Variants in GRIP1 observed in about 807,000 individuals in gnomAD.
The protein encoded by GRIP1 is glutamate receptor interacting protein 1.
Under a neutral mutation model 129.9 loss-of-function variants are expected in GRIP1, and 45 were observed. That is an observed-to-expected ratio of 0.35 (90% CI 0.27 to 0.44). The LOEUF is 0.44. GRIP1 is among the 20% of genes least tolerant of loss of function. GRIP1 has a pLI of 1.00. For synonymous variants in GRIP1, 530 were observed against 520.8 expected, an observed-to-expected ratio of 1.02 and a Z score of -0.24; for missense variants, 1,196 against 1,396.8, an observed-to-expected ratio of 0.86 and a Z score of 2.29.
intron 1 of GRIP1, among the ~76,000 whole-genome samples, chr12:67,027,251 GTT>G (rs1047481557): frequency 6.6e-6 from 1 of 152,206 alleles, no homozygotes; most frequent in Admixed American, 6.5e-5. Context: ...GAAATGCTCA[GTT>G]TTCCAAAACC....
chr12:66,425,916 TACATATGTA>T (rs1555182451), intron 14 of GRIP1, among the ~76,000 whole-genome samples: 29 of 152,156 alleles, frequency 1.9e-4, no homozygotes, highest in Non-Finnish European at 3.5e-4. Flanking sequence ...GGCACATGTA[TACATATGTA>T]ACAAACCTGC....
intron 1 of GRIP1, among the ~76,000 whole-genome samples, chr12:66,743,249 G>A (rs1236725812): frequency 1.3e-5 from 2 of 152,006 alleles, no homozygotes; most frequent in Non-Finnish European, 2.9e-5. Flanking sequence ...TTACTAGTAG[G>A]TATAGTTGTA....
intron 1 of GRIP1, among the ~76,000 whole-genome samples, chr12:66,824,112 T>C (rs767560924): frequency 6.6e-6 from 1 of 152,184 alleles, no homozygotes; most frequent in Non-Finnish European, 1.5e-5. Flanking sequence ...GATGTAACCG[T>C]GGCAGAGGTA....
chr12:66,689,796 C>T (rs556890757), intron 1 of GRIP1, among the ~76,000 whole-genome samples: 3 of 152,214 alleles, frequency 2.0e-5, no homozygotes, highest in East Asian at 1.9e-4. Context: ...ATTGAAAGTT[C>T]GTACCCTTTG....
At chr12:66,517,384 T>C (rs985077147) in intron 6 of GRIP1, among the ~76,000 whole-genome samples, 1 of 152,082 alleles carries the variant, frequency 6.6e-6, no homozygotes, top group Non-Finnish European at 1.5e-5. Context: ...ATGTCTTCCA[T>C]TTTACGGAAA....
intron 5 of GRIP1, among the ~76,000 whole-genome samples, chr12:66,523,897 G>A (rs1482468235): frequency 6.6e-6 from 1 of 152,166 alleles, no homozygotes; most frequent in East Asian, 1.9e-4. Flanking sequence ...TGATTAAACA[G>A]ACTTTAAACC....
chr12:66,884,635 A>G (rs796315147), intron 1 of GRIP1, among the ~76,000 whole-genome samples: 14 of 152,348 alleles, frequency 9.2e-5, no homozygotes, highest in African/African-American at 3.4e-4. Context: ...AATGGATTAT[A>G]AAAAGAGAAG....
At chr12:66,661,141 T>G (rs1351946787) in intron 1 of GRIP1, among the ~76,000 whole-genome samples, 2 of 152,020 alleles carry the variant, frequency 1.3e-5, no homozygotes, top group Non-Finnish European at 2.9e-5. Context: ...TGAGAAATAC[T>G]TGAAAAAATG....
chr12:66,503,498 C>T (rs2138798869), intron 7 of GRIP1, among the ~76,000 whole-genome samples: 1 of 152,262 alleles, frequency 6.6e-6, no homozygotes, highest in East Asian at 1.9e-4. Context: ...AGTGTACTTT[C>T]CTTTCTTTCC....
chr12:66,694,933 T>G (rs980313898), intron 1 of GRIP1, among the ~76,000 whole-genome samples: 4 of 152,226 alleles, frequency 2.6e-5, no homozygotes, highest in African/African-American at 9.6e-5. Flanking sequence ...TCTCCTTTTG[T>G]GTCTTATCTG....
At chr12:66,852,549 TATATGTATATATGTATATGCATACAG>T (rs2039933016) in intron 1 of GRIP1, among the ~76,000 whole-genome samples, 1 of 150,678 alleles carries the variant, frequency 6.6e-6, no homozygotes, top group Non-Finnish European at 1.5e-5. Context: ...TGTATATATG[TATATGTATATATGTATATGCATACAG>T]GTATATGTAT....
At chr12:66,384,916 A>C (rs2056286294) in intron 19 of GRIP1, among the ~76,000 whole-genome samples, 1 of 152,250 alleles carries the variant, frequency 6.6e-6, no homozygotes, top group African/African-American at 2.4e-5. Flanking sequence ...GGCTGGTGAT[A>C]CCATGATTTA....
At chr12:66,366,688 TTTTG>T (rs1405103611) in intron 23 of GRIP1, among the ~76,000 whole-genome samples, 1 of 152,164 alleles carries the variant, frequency 6.6e-6, no homozygotes, top group Non-Finnish European at 1.5e-5. Flanking sequence ...TTGTTTTTGT[TTTTG>T]TTTTTTAAAG....
intron 1 of GRIP1, among the ~76,000 whole-genome samples, chr12:66,979,252 A>ACAAC (rs1555257218): frequency 2.7e-5 from 3 of 110,162 alleles, no homozygotes; most frequent in Admixed American, 1.2e-4. Context: ...AAAAAAAAAA[A>ACAAC]AACAAGCCCG....
At chr12:66,427,612 T>C (rs1362799480) in intron 14 of GRIP1, among the ~76,000 whole-genome samples, 1 of 152,192 alleles carries the variant, frequency 6.6e-6, no homozygotes, top group African/African-American at 2.4e-5. Flanking sequence ...TGTTCTTATG[T>C]TGTTTTTCAG....
At chr12:66,526,657 A>G (rs1175674603) in intron 5 of GRIP1, among the ~76,000 whole-genome samples, 2 of 151,586 alleles carry the variant, frequency 1.3e-5, no homozygotes, top group African/African-American at 4.9e-5. Context: ...AGCAATGGCA[A>G]CAAAAGCCAA....
At chr12:66,593,292 G>T (rs1356345366) in intron 2 of GRIP1, among the ~76,000 whole-genome samples, 1 of 152,058 alleles carries the variant, frequency 6.6e-6, no homozygotes, top group Non-Finnish European at 1.5e-5. Context: ...AAGGATTTAC[G>T]GTTAGAATTG....
intron 23 of GRIP1, among the ~76,000 whole-genome samples, chr12:66,367,267 G>C (rs1218442600): frequency 6.6e-6 from 1 of 152,162 alleles, no homozygotes; most frequent in Non-Finnish European, 1.5e-5. Context: ...AGATGCAGAA[G>C]CTCCAGGGCC....
At chr12:66,710,617 CCT>C (rs1184219027) in intron 1 of GRIP1, among the ~76,000 whole-genome samples, 6 of 151,814 alleles carry the variant, frequency 4.0e-5, no homozygotes, top group Non-Finnish European at 8.8e-5. Flanking sequence ...TGCTATAACC[CCT>C]GAGTTAATGA....
Sources: allele counts gnomAD v4.1 joint callset (sites outside exome capture counted in the v4.1 genomes callset), GRCh38; gene constraint gnomAD v4.1.1; transcripts MANE v1.5; gene names NCBI Gene and HGNC (gene_info 2026-07-23, HGNC 2026-07-21).